The following ZBED4 variants were observed in gnomAD, a reference collection of about 807,000 sequenced individuals.
The protein encoded by ZBED4 is zinc finger BED domain-containing protein 4.
A neutral mutation model predicts 15.5 loss-of-function variants in ZBED4; 4 were observed. The ratio of observed to expected loss-of-function variants is 0.26; its 90% confidence interval spans 0.13 to 0.59. The LOEUF (loss-of-function observed/expected upper bound fraction) is 0.59, where lower values mean the gene tolerates loss of function less well. ZBED4 is among the 20% of genes least tolerant of loss of function. The probability of loss-of-function intolerance (pLI) is 0.90; values close to 1 mark genes in which losing one functional copy is unlikely to be tolerated. For missense variants in ZBED4, 1,323 were observed against 1,461.8 expected (o/e 0.91, Z 1.55); for synonymous variants, 692 against 608.5 (o/e 1.14, Z -2.02).
At position 49,887,937 on chromosome 22, in the gene ZBED4, CT is replaced by C. The variant is rs1288358405; in HGVS notation, c.*760del. On this transcript the variant is annotated 3_prime_UTR_variant, in exon 2 of 2. Transcript: ENST00000216268. ...CTTCGCCAGTGCGTTCAATGACACG[CT>C]GATGGCAGGTGGTCCCTGCTGAAAC... 36 of 167,262 alleles carry C rather than the reference CT, an allele frequency of 2.2e-4. No homozygotes were observed. Among genetic ancestry groups the C allele is most frequent in the African/African-American group, 8.4e-4 (35 of 41,456 alleles). The allele number at this position is 167,262 out of a possible 1,614,324, so 10.4% of individuals were successfully genotyped here. A position where few individuals can be genotyped will look rare whatever the true frequency, so the allele number is the denominator to read the frequency against.
At chr22:49,876,567 A>G (rs5770741) in intron 1 of ZBED4, among the ~76,000 whole-genome samples, 97,824 of 151,988 alleles carry the variant, frequency 0.64, 35,665 homozygotes, top group East Asian at 0.85. Context: ...CCCGGTATTA[A>G]TGTCGCCACT....
chr22:49,868,744 G>A (rs2147516494), intron 1 of ZBED4, among the ~76,000 whole-genome samples: 1 of 152,288 alleles, frequency 6.6e-6, no homozygotes, highest in African/African-American at 2.4e-5. Flanking sequence ...CTTCGTGCAT[G>A]TGTTGTAGGG....
intron 1 of ZBED4, among the ~76,000 whole-genome samples, chr22:49,882,784 A>G (rs1778893639): frequency 6.6e-6 from 1 of 152,244 alleles, no homozygotes; most frequent in Non-Finnish European, 1.5e-5. Context: ...AATGGGTGAC[A>G]GGAGGATGGG....
rs1364145399 is a variant in ZBED4, at chr22:49,884,358, TGAA to T, written c.700_702del (p.Glu234del). 6.2e-7 allele frequency: 1 copy of T among 1,613,080 alleles called. No homozygotes were observed. On this transcript the variant is annotated inframe_deletion, in exon 2 of 2. Coordinates refer to ENST00000216268, the MANE Select transcript of ZBED4 (RefSeq NM_014838.3). The stretch of plus-strand genomic sequence containing the variant: ...AGGAGTCTGTGTCTGTAGTTTCTTC[TGAA>T]GAAATCTCCTCTGACATGTCCGTTT...
chr22:49,885,187 G>T lies in ZBED4; in HGVS notation c.1525G>T (p.Val509Phe). 1 of 1,614,104 alleles carries T rather than the reference G, an allele frequency of 6.2e-7. No individual in the cohort carries two copies. Among genetic ancestry groups the T allele is most frequent in the East Asian group, 2.2e-5 (1 of 44,886 alleles). The change falls in exon 2 of 2, where the codon GTC (valine) becomes TTC (phenylalanine). Residue 509 changes from valine (V) to phenylalanine (F), a missense_variant. Val to Phe is a conservative substitution (Grantham distance 50). This residue lies in a region of ZBED4 where 429 missense variants were observed against 397.9 expected (regional missense o/e 1.08). Coordinates refer to ENST00000216268, the MANE Select transcript of ZBED4 (RefSeq NM_014838.3). ...RHLYRRHPEV[V>F]GSQKGFLGAS... ...TCTCTACCGGCGCCATCCAGAAGTT[G>T]TCGGGAGCCAGAAGGGCTTCCTGGG...
chr22:49,874,365 C>T (rs2060364415), intron 1 of ZBED4, among the ~76,000 whole-genome samples: 1 of 151,590 alleles, frequency 6.6e-6, no homozygotes, highest in African/African-American at 2.4e-5. Flanking sequence ...TGGTTTTCCT[C>T]CTTTTGCTAA....
At chr22:49,856,755 T>C (rs556249096) in intron 1 of ZBED4, among the ~76,000 whole-genome samples, 1 of 76,078 alleles carries the variant, frequency 1.3e-5, no homozygotes, top group Non-Finnish European at 2.9e-5. Context: ...CCTCTCGTTC[T>C]AGGTGAAGGC....
In ZBED4 at chr22:49,887,574, G is replaced by A. The variant is rs1292248895; in HGVS notation, c.*396G>A. ...CACAAATCAGGTACTGTATTTTAGT[G>A]AAGCATTGCTTTAATTGCAACAGAA... On this transcript the variant is annotated 3_prime_UTR_variant, in exon 2 of 2. Transcript: ENST00000216268. 1 of 178,838 alleles carries A rather than the reference G, an allele frequency of 5.6e-6. No homozygotes were observed. Among genetic ancestry groups the A allele is most frequent in the African/African-American group, 2.4e-5 (1 of 41,696 alleles). The allele number at this position is 178,838 out of a possible 1,614,324, so 11.1% of individuals were successfully genotyped here.
intron 1 of ZBED4, among the ~76,000 whole-genome samples, chr22:49,881,771 G>C (rs573825163): frequency 2.0e-5 from 3 of 152,026 alleles, no homozygotes; most frequent in Non-Finnish European, 4.4e-5. Flanking sequence ...GGTTTCAAGC[G>C]ATCCTCCCAC....
In ZBED4 at chr22:49,887,342, C is replaced by T. The variant is rs2060445888; in HGVS notation, c.*164C>T. On this transcript the variant is annotated 3_prime_UTR_variant, in exon 2 of 2. Transcript: ENST00000216268. ...AGTGTCTCCACGTGCCTTACCCCTT[C>T]TCCTTCAGGCCAAGTTTCGCGGGGT... is the stretch of plus-strand genomic sequence containing the variant. 3 of 619,332 alleles carry T rather than the reference C, an allele frequency of 4.8e-6. No homozygotes were observed. The highest frequency in any genetic ancestry group is 1.8e-5 in the African/African-American group (1 of 54,668). 38.4% of individuals were successfully genotyped at this position (619,332 alleles called of 1,614,324 possible). A position where few individuals can be genotyped will look rare whatever the true frequency, so the allele number is the denominator to read the frequency against.
chr22:49,882,177 C>T (rs1252759595), intron 1 of ZBED4, among the ~76,000 whole-genome samples: 2 of 152,198 alleles, frequency 1.3e-5, no homozygotes, highest in East Asian at 3.8e-4. Context: ...CTAGGGATGG[C>T]GCACCTCTCC....
chr22:49,858,377 T>C (rs907602162), intron 1 of ZBED4, among the ~76,000 whole-genome samples: 16 of 152,232 alleles, frequency 1.1e-4, no homozygotes, highest in African/African-American at 2.9e-4. Context: ...GAAACTGCCA[T>C]GTCCCCGTCT....
chr22:49,883,612 G>C lies in ZBED4; in HGVS notation c.-51G>C. On this transcript the variant is annotated 5_prime_UTR_variant, in exon 2 of 2. Transcript: ENST00000216268. ...CATTCGGGGGCACAAATGAGCACTT[G>C]GATCAGTGTTTTATGAACCTAAGAT... 1 of 1,476,362 alleles carries C rather than the reference G, an allele frequency of 6.8e-7. No homozygotes were observed. Among genetic ancestry groups the C allele is most frequent in the Non-Finnish European group, 9.0e-7 (1 of 1,107,630 alleles). The allele number at this position is 1,476,362 out of a possible 1,614,324, so 91.5% of individuals were successfully genotyped here.
At chr22:49,879,492 C>G (rs944646836) in intron 1 of ZBED4, among the ~76,000 whole-genome samples, 6 of 151,672 alleles carry the variant, frequency 4.0e-5, no homozygotes, top group Admixed American at 3.3e-4. Context: ...CCACTATATC[C>G]GCTCTTACAA....
rs144295449 is a variant in ZBED4, at chr22:49,857,302, G to A, written c.-330+3313G>A. ...AGGCCTGTCACTAGTGGGACTGCCC[G>A]GACCCCCAAGGTATGGGTACACGGC... On this transcript the variant is annotated intron_variant, in intron 1 of 1. Coordinates refer to ENST00000216268, the MANE Select transcript of ZBED4 (RefSeq NM_014838.3). Among the ~76,000 whole-genome samples, 409 of 152,334 alleles carry A rather than the reference G, an allele frequency of 2.7e-3. 9 individuals carry two copies. Among genetic ancestry groups the A allele is most frequent in the African/African-American group, 9.1e-3 (378 of 41,582 alleles).
At chr22:49,874,547 G>C (rs530630099) in intron 1 of ZBED4, among the ~76,000 whole-genome samples, 18 of 150,694 alleles carry the variant, frequency 1.2e-4, no homozygotes, top group Non-Finnish European at 2.1e-4. Context: ...CACCATTTTT[G>C]TATTTTTAGT....
chr22:49,877,909 T>A (rs1437984991), intron 1 of ZBED4, among the ~76,000 whole-genome samples: 1 of 152,214 alleles, frequency 6.6e-6, no homozygotes, highest in Non-Finnish European at 1.5e-5. Context: ...CCATTCATTC[T>A]TTTGTTATTG....
At chr22:49,855,084 A>G (rs749836904) in intron 1 of ZBED4, among the ~76,000 whole-genome samples, 11 of 152,224 alleles carry the variant, frequency 7.2e-5, no homozygotes, top group Admixed American at 2.6e-4. Flanking sequence ...AGGAAAGTTT[A>G]CAGGAGTTTG....
chr22:49,854,185 C>T lies in ZBED4; in HGVS notation c.-330+196C>T, dbSNP rs1389483800. On this transcript the variant is annotated intron_variant, in intron 1 of 1. Transcript: ENST00000216268. ...CCCGGACCCGCCCCCGCGCGGACCC[C>T]GGCCCTGACAGCTGGCGCGGGGGCG... Among the ~76,000 whole-genome samples the T allele has an allele frequency of 2.0e-5, 3 of 146,646 alleles. No individual in the cohort carries two copies. The East Asian group carries it at 6.0e-4, about 29-fold the overall frequency.
Sources: gnomAD v4.1 joint callset for allele counts (sites outside exome capture counted in the v4.1 genomes callset) on GRCh38, gnomAD v4.1.1 for gene constraint, gnomAD v4.1.1 regional missense constraint, MANE v1.5 for transcripts, NCBI Gene and HGNC (gene_info 2026-07-23, HGNC 2026-07-21) for gene names.